The following CSMD1 variants were observed in gnomAD, a reference collection of about 807,000 sequenced individuals.
CSMD1 encodes the protein CUB and Sushi multiple domains 1.
A neutral mutation model predicts 417.5 loss-of-function variants in CSMD1; 213 were observed. The observed-to-expected ratio is 0.51, with a 90% confidence interval of 0.46 to 0.57. CSMD1 has a LOEUF of 0.57. Among genes scored for constraint, CSMD1 ranks in the 20% least tolerant of loss-of-function variants. CSMD1 has a pLI of 0.00. For synonymous variants in CSMD1, 2,862 were observed against 1,736.8 expected (o/e 1.65, Z -16.11); for missense variants, 6,923 against 4,529.7 (o/e 1.53, Z -15.17).
At chr8:3,610,578 G>A (rs1280845590) in intron 8 of CSMD1, among the ~76,000 whole-genome samples, 1 of 152,148 alleles carries the variant, frequency 6.6e-6, no homozygotes, top group Non-Finnish European at 1.5e-5. Flanking sequence ...TATAGGTCAT[G>A]TACATCAGAT....
chr8:4,767,847 C>G (rs756703053), intron 1 of CSMD1, among the ~76,000 whole-genome samples: 59 of 152,132 alleles, frequency 3.9e-4, no homozygotes, highest in Non-Finnish European at 6.8e-4. Context: ...CCAGGAGTGT[C>G]CCTCTCCTGA....
chr8:3,662,497 CAT>C (rs1798470944), intron 7 of CSMD1, among the ~76,000 whole-genome samples: 1 of 152,172 alleles, frequency 6.6e-6, no homozygotes, highest in Non-Finnish European at 1.5e-5. Flanking sequence ...CTGCAATAAA[CAT>C]ATGTGTGCAT....
At position 3,741,219 on chromosome 8, in the gene CSMD1, A is replaced by AC. The variant is rs1226506900; in HGVS notation, c.931+12710_931+12711insG. Reference sequence around the variant, plus strand: ...ACAGAGCAAGACTCCGTCTTAAAAAAAAAAAAAAAAAAAAAAAAAAAACAT... The same window carrying AC: ...ACAGAGCAAGACTCCGTCTTAAAAAACAAAAAAAAAAAAAAAAAAAAAACAT... On this transcript the variant is annotated intron_variant, in intron 6 of 69. Transcript: ENST00000635120. 7.1e-4 allele frequency among the ~76,000 whole-genome samples: 74 copies of AC among 104,362 alleles called. 2 individuals are homozygous for AC. The highest frequency in any genetic ancestry group is 1.3e-3 in the Admixed American group (13 of 10,138). The allele number at this position is 104,362 out of a possible 152,430, so 68.5% of individuals were successfully genotyped here. A position where few individuals can be genotyped will look rare whatever the true frequency, so the allele number is the denominator to read the frequency against.
At chr8:3,729,875 A>C (rs73187234) in intron 6 of CSMD1, among the ~76,000 whole-genome samples, 1 of 143,676 alleles carries the variant, frequency 7.0e-6, no homozygotes. Context: ...TCAAAACATC[A>C]CACTGTACTC....
chr8:3,185,204 G>A (rs554142179), intron 36 of CSMD1, among the ~76,000 whole-genome samples: 11 of 152,200 alleles, frequency 7.2e-5, no homozygotes, highest in South Asian at 2.1e-4. Context: ...CACGAACTCC[G>A]TGCTAACTCC....
chr8:3,774,253 A>G (rs1584978073), intron 5 of CSMD1, among the ~76,000 whole-genome samples: 2 of 152,238 alleles, frequency 1.3e-5, no homozygotes, highest in South Asian at 4.1e-4. Flanking sequence ...TGCTCTGTAA[A>G]TTCTTACAGA....
At position 2,961,025 on chromosome 8, in the gene CSMD1, T is replaced by C. The variant is rs140253929; in HGVS notation, c.9702+116A>G. The stretch of plus-strand genomic sequence containing the variant: ...AGAAATCCCCTTTGAACGAATTTTA[T>C]TCAGGTAAATATAACATGAATAAGG... On this transcript the variant is annotated intron_variant, in intron 62 of 69. Transcript: ENST00000635120. 4.4e-3 allele frequency: 1,892 copies of C among 425,810 alleles called. 23 individuals are homozygous for C. Among genetic ancestry groups the C allele is most frequent in the African/African-American group, 0.031 (1,501 of 48,532 alleles). 26.4% of individuals were successfully genotyped at this position (425,810 alleles called of 1,614,324 possible). A position where few individuals can be genotyped will look rare whatever the true frequency, so the allele number is the denominator to read the frequency against.
chr8:3,434,573 T>C (rs905636994), intron 12 of CSMD1, among the ~76,000 whole-genome samples: 9 of 152,210 alleles, frequency 5.9e-5, no homozygotes, highest in African/African-American at 1.9e-4. Context: ...GAACATAATT[T>C]AGATTATATT....
At chr8:3,415,644 G>C (rs921265011) in intron 12 of CSMD1, among the ~76,000 whole-genome samples, 8 of 152,198 alleles carry the variant, frequency 5.3e-5, no homozygotes, top group African/African-American at 1.9e-4. Context: ...ACAGGCGTGA[G>C]CCATTGTGCC....
intron 40 of CSMD1, among the ~76,000 whole-genome samples, chr8:3,144,713 A>C (rs1289346040): frequency 6.6e-6 from 1 of 151,880 alleles, no homozygotes; most frequent in East Asian, 1.9e-4. Context: ...ATTGTTTCTA[A>C]ATTCCAGAAA....
intron 2 of CSMD1, among the ~76,000 whole-genome samples, chr8:4,463,639 G>T (rs762756020): frequency 5.9e-5 from 9 of 152,132 alleles, no homozygotes; most frequent in Non-Finnish European, 1.2e-4. Context: ...TAAATGGAAA[G>T]AGCTAGTCAC....
Position 3,162,166 on chromosome 8 carries a change from G to T in CSMD1, c.5837C>A (p.Thr1946Asn). ...VLSFQCEPGY[T>N]LQGRSHISCM... Reference sequence around the variant, plus strand: ...CACTGAGAAGAAGGATACCTGCAGGGTGTACCCGGGCTCGCACTGGAAGGA... The same window carrying T: ...CACTGAGAAGAAGGATACCTGCAGGTTGTACCCGGGCTCGCACTGGAAGGA... Residue 1946 changes from threonine (T) to asparagine (N), a missense_variant, in exon 38 of 70, where the codon ACC (threonine) becomes AAC (asparagine). Physicochemically the swap from Thr to Asn is moderately conservative, Grantham distance 65 (BLOSUM62 0). Coordinates refer to ENST00000635120, the MANE Select transcript of CSMD1 (RefSeq NM_033225.6). 6.3e-7 allele frequency: 1 copy of T among 1,598,228 alleles called. No individual in the cohort carries two copies. Among genetic ancestry groups the T allele is most frequent in the Middle Eastern group, 1.7e-4 (1 of 6,030 alleles).
chr8:4,588,867 G>A (rs1311066215), intron 2 of CSMD1, among the ~76,000 whole-genome samples: 1 of 151,856 alleles, frequency 6.6e-6, no homozygotes, highest in East Asian at 1.9e-4. Context: ...TTCCACTGAC[G>A]CGAATGTGAT....
chr8:3,402,444 A>G (rs1336979310), intron 15 of CSMD1, among the ~76,000 whole-genome samples: 1 of 152,156 alleles, frequency 6.6e-6, no homozygotes, highest in Non-Finnish European at 1.5e-5. Flanking sequence ...GATTTTCATG[A>G]TGCCACTGAG....
chr8:4,580,099 C>G (rs1041790541), intron 2 of CSMD1, among the ~76,000 whole-genome samples: 5 of 152,152 alleles, frequency 3.3e-5, no homozygotes, highest in African/African-American at 1.2e-4. Flanking sequence ...GGTGGGAGGA[C>G]TAAATATTTT....
intron 7 of CSMD1, among the ~76,000 whole-genome samples, chr8:3,690,159 G>T (rs1800161038): frequency 6.6e-6 from 1 of 152,164 alleles, no homozygotes; most frequent in South Asian, 2.1e-4. Flanking sequence ...AGGAGTTTGA[G>T]ACCAGCCTGG....
At chr8:3,944,229 G>C (rs906379450) in intron 5 of CSMD1, among the ~76,000 whole-genome samples, 36 of 152,108 alleles carry the variant, frequency 2.4e-4, no homozygotes, top group Non-Finnish European at 4.3e-4. Flanking sequence ...CTGTCTCTCA[G>C]GCTGGTGTTT....
At chr8:4,125,783 T>C (rs898479291) in intron 3 of CSMD1, among the ~76,000 whole-genome samples, 1 of 152,124 alleles carries the variant, frequency 6.6e-6, no homozygotes, top group African/African-American at 2.4e-5. Context: ...GATAGAGCCC[T>C]TATCAATTGA....
At chr8:3,814,975 A>AT (rs1698296307) in intron 5 of CSMD1, among the ~76,000 whole-genome samples, 1 of 152,208 alleles carries the variant, frequency 6.6e-6, no homozygotes, top group Non-Finnish European at 1.5e-5. Flanking sequence ...AAAGACAATC[A>AT]TCTGCATAAT....
Sources: allele counts gnomAD v4.1 joint callset (sites outside exome capture counted in the v4.1 genomes callset), GRCh38; gene constraint gnomAD v4.1.1; transcripts MANE v1.5; gene names NCBI Gene and HGNC (gene_info 2026-07-23, HGNC 2026-07-21).